ALMS1: variants seen among roughly 807,000 people sequenced by gnomAD.
ALMS1 encodes the protein centrosome-associated protein ALMS1.
A neutral mutation model predicts 352.2 loss-of-function variants in ALMS1; 271 were observed. The observed-to-expected ratio is 0.77, with a 90% confidence interval of 0.70 to 0.85. The LOEUF (loss-of-function observed/expected upper bound fraction) is 0.85. Ranked by LOEUF, ALMS1 falls within the 40% of genes least tolerant of loss-of-function variation. ALMS1 has a pLI of 0.00. For synonymous variants in ALMS1, 1,865 were observed against 1,761.2 expected, an observed-to-expected ratio of 1.06 and a Z score of -1.48; for missense variants, 5,445 against 4,870.7, an observed-to-expected ratio of 1.12 and a Z score of -3.51.
At chr2:73,437,798 T>C (rs1425597580) in intron 7 of ALMS1, among the ~76,000 whole-genome samples, 1 of 152,176 alleles carries the variant, frequency 6.6e-6, no homozygotes, top group Non-Finnish European at 1.5e-5. Context: ...ACCTGCCAGA[T>C]ATGCCCTCTA....
intron 2 of ALMS1, among the ~76,000 whole-genome samples, chr2:73,416,979 G>C (rs1445140648): frequency 1.3e-5 from 2 of 152,174 alleles, no homozygotes; most frequent in East Asian, 3.9e-4. Flanking sequence ...AGTAGTCCCA[G>C]CTACTCAGGA....
intron 10 of ALMS1, among the ~76,000 whole-genome samples, chr2:73,517,177 C>G (rs1455053826): frequency 2.0e-5 from 3 of 148,650 alleles, no homozygotes; most frequent in African/African-American, 7.6e-5. Flanking sequence ...AGATATTACT[C>G]TAATACAATA....
At chr2:73,537,067 T>G (rs1674044518) in intron 12 of ALMS1, among the ~76,000 whole-genome samples, 2 of 152,176 alleles carry the variant, frequency 1.3e-5, no homozygotes, top group Non-Finnish European at 1.5e-5. Flanking sequence ...CCGTGAAGAT[T>G]CCACACAAAA....
chr2:73,430,213 A>G (rs1311272987), intron 6 of ALMS1, among the ~76,000 whole-genome samples: 1 of 151,540 alleles, frequency 6.6e-6, no homozygotes, highest in Non-Finnish European at 1.5e-5. Context: ...AGTAGCTTGG[A>G]CTACAGGTGC....
At chr2:73,591,798 T>C (rs1675438654) in intron 16 of ALMS1, among the ~76,000 whole-genome samples, 1 of 152,174 alleles carries the variant, frequency 6.6e-6, no homozygotes, top group Non-Finnish European at 1.5e-5. Context: ...TAGGGCTACT[T>C]CCAGGCTGTA....
At chr2:73,442,751 C>T (rs894186568) in intron 7 of ALMS1, among the ~76,000 whole-genome samples, 1 of 152,148 alleles carries the variant, frequency 6.6e-6, no homozygotes, top group African/African-American at 2.4e-5. Context: ...TAGGTAATAT[C>T]AACACCCAGG....
intron 7 of ALMS1, 72 bp downstream of exon 7, chr2:73,432,363 T>C: frequency 9.3e-7 from 1 of 1,075,654 alleles, no homozygotes; most frequent in South Asian, 1.3e-5. Context: ...GTTAGGTCTA[T>C]CTAATTTTGT....
chr2:73,399,814 C>T lies in ALMS1; in HGVS notation c.325-8808C>T, dbSNP rs186152297. Among the ~76,000 whole-genome samples the T allele has an allele frequency of 3.6e-4, 55 of 152,146 alleles. 2 individuals are homozygous for T. The highest frequency in any genetic ancestry group is 3.4e-4 in the Non-Finnish European group (23 of 68,012). On this transcript the variant is annotated intron_variant, in intron 1 of 22. Coordinates refer to ENST00000613296, the MANE Select transcript of ALMS1 (RefSeq NM_001378454.1). ...TACTCTATGTCAAGTTGAGAATATT[C>T]CCCTCTATTCCTATTTTAATGAGAA...
chr2:73,582,593 G>A (rs1265113268), intron 16 of ALMS1, among the ~76,000 whole-genome samples: 4 of 152,180 alleles, frequency 2.6e-5, no homozygotes, highest in Non-Finnish European at 2.9e-5. Context: ...GATTACCTTA[G>A]ATACCTCATA....
rs539503146 is a variant in ALMS1 at position 73,554,259 on chromosome 2, AAG to A, written c.10079-2958_10079-2957del. Among the ~76,000 whole-genome samples the A allele has an allele frequency of 1.7e-3, 253 of 152,222 alleles. 1 individual carries two copies. The highest frequency in any genetic ancestry group is 5.7e-3 in the African/African-American group (237 of 41,554). On this transcript the variant is annotated intron_variant, in intron 13 of 22. Coordinates refer to ENST00000613296, the MANE Select transcript of ALMS1 (RefSeq NM_001378454.1). ...AAAAAAAAAAATTAAAGGTAGATAC[AAG>A]AGTTTATCTCATAGTAATAAAAGGG...
intron 10 of ALMS1, among the ~76,000 whole-genome samples, chr2:73,493,530 A>G (rs1169424867): frequency 6.6e-6 from 1 of 151,994 alleles, no homozygotes; most frequent in Admixed American, 6.6e-5. Context: ...TGAGACCAGC[A>G]TGATCAACAT....
At chr2:73,475,384 C>T (rs537991891) in intron 9 of ALMS1, among the ~76,000 whole-genome samples, 3 of 152,160 alleles carry the variant, frequency 2.0e-5, no homozygotes, top group African/African-American at 7.2e-5. Flanking sequence ...ACGTCCTTTC[C>T]AACATTTGTC....
chr2:73,463,306 AC>A (rs1672249648), intron 9 of ALMS1, among the ~76,000 whole-genome samples: 1 of 152,200 alleles, frequency 6.6e-6, no homozygotes, highest in South Asian at 2.1e-4. Context: ...CTCACTCAAA[AC>A]CGCTCAACTA....
rs752130351 is a variant in ALMS1 at position 73,448,234 on chromosome 2, A to G, written c.1707A>G (p.Thr569=). 2 of 1,613,950 alleles carry G rather than the reference A, an allele frequency of 1.2e-6. No individual in the cohort carries two copies. The highest frequency in any genetic ancestry group is 1.3e-5 in the African/African-American group (1 of 74,922). Residue 569 remains threonine, a synonymous_variant, in exon 8 of 23, where the codon ACA becomes ACG. Coordinates refer to ENST00000613296, the MANE Select transcript of ALMS1 (RefSeq NM_001378454.1). The part of the protein sequence containing the change: ...EPADQKTATP[T]VLSSSHSHRG... ...CTGACCAGAAGACTGCAACACCAAC[A>G]GTACTCTCTAGTTCCCACTCACATA...
chr2:73,487,923 A>G (rs958444771), intron 9 of ALMS1, among the ~76,000 whole-genome samples: 2 of 152,022 alleles, frequency 1.3e-5, no homozygotes, highest in African/African-American at 4.8e-5. Context: ...GCTAGCTCCT[A>G]TCTGCAGGCA....
At chr2:73,578,489 A>G (rs374196179) in intron 16 of ALMS1, among the ~76,000 whole-genome samples, 2 of 151,438 alleles carry the variant, frequency 1.3e-5, no homozygotes, top group East Asian at 3.9e-4. Flanking sequence ...TTTGTAGTGT[A>G]CCAGTTTTAT....
At chr2:73,524,474 G>T (rs1036743769) in intron 11 of ALMS1, among the ~76,000 whole-genome samples, 8 of 151,558 alleles carry the variant, frequency 5.3e-5, no homozygotes, top group African/African-American at 1.9e-4. Context: ...TATTTTTTTT[G>T]AGATGGAGTC....
chr2:73,465,376 A>G (rs972665803), intron 9 of ALMS1, among the ~76,000 whole-genome samples: 3 of 152,232 alleles, frequency 2.0e-5, no homozygotes, highest in Non-Finnish European at 4.4e-5. Flanking sequence ...TGACAAAAAC[A>G]AGAAATGGGG....
At chr2:73,518,974 T>C (rs1309357697) in intron 10 of ALMS1, among the ~76,000 whole-genome samples, 2 of 152,216 alleles carry the variant, frequency 1.3e-5, no homozygotes, top group African/African-American at 4.8e-5. Flanking sequence ...TTGCTTTTGG[T>C]GTCTTCGTCG....
Sources: gnomAD v4.1 joint callset for allele counts (sites outside exome capture counted in the v4.1 genomes callset) on GRCh38, gnomAD v4.1.1 for gene constraint, MANE v1.5 for transcripts, NCBI Gene and HGNC (gene_info 2026-07-23, HGNC 2026-07-21) for gene names.